AMD1: variants seen among roughly 807,000 people sequenced by gnomAD.
AMD1 encodes adenosylmethionine decarboxylase 1, also known as S-adenosylmethionine decarboxylase proenzyme.
AMD1 carries 11 observed loss-of-function variants against 40.2 expected under a neutral mutation model. The observed-to-expected ratio is 0.27, with a 90% CI of 0.17 to 0.45. The LOEUF (loss-of-function observed/expected upper bound fraction) is 0.45. AMD1 is among the 20% of genes least tolerant of loss of function. The probability of loss-of-function intolerance (pLI) is 1.00; values close to 1 mark genes in which losing one functional copy is unlikely to be tolerated. For synonymous variants in AMD1, 121 were observed against 130.8 expected (o/e 0.93, Z 0.51); for missense variants, 257 against 410.2 (o/e 0.63, Z 3.23).
At chr6:110,859,044 T>C in the AMD1 span, 94 of 1,235,840 alleles carry the variant, frequency 7.6e-5, no homozygotes, top group Admixed American at 1.5e-3. Flanking sequence ...TGACCCCAAG[T>C]TCTGCCCAGA....
At chr6:110,847,369 G>C in the AMD1 span, among the ~76,000 whole-genome samples, 8 of 150,758 alleles carry the variant, frequency 5.3e-5, no homozygotes, top group Non-Finnish European at 1.2e-4. Context: ...ACTAAAAATA[G>C]AAAAAATTAG....
At chr6:110,870,632 A>C (rs969899313), upstream of AMD1, among the ~76,000 whole-genome samples, 2 of 152,146 alleles carry the variant, frequency 1.3e-5, no homozygotes, top group Non-Finnish European at 2.9e-5. Context: ...TCAAAACAAA[A>C]ACAATAACAA....
the AMD1 span, chr6:110,815,214 C>T: frequency 7.0e-7 from 1 of 1,420,930 alleles, no homozygotes. Flanking sequence ...CCCGCGACCG[C>T]CGCTCCACTT....
chr6:110,890,477 C>G (rs1785953030), intron 4 of AMD1, 121 bp downstream of exon 4: 1 of 722,972 alleles, frequency 1.4e-6, no homozygotes, highest in African/African-American at 1.9e-5. Flanking sequence ...CTAATACTTG[C>G]TTTTCTTGTG....
chr6:110,823,128 A>G, the AMD1 span, among the ~76,000 whole-genome samples: 1 of 152,184 alleles, frequency 6.6e-6, no homozygotes, highest in African/African-American at 2.4e-5. Context: ...AAAAAAGCAT[A>G]CAATTATCTC....
the AMD1 span, among the ~76,000 whole-genome samples, chr6:110,845,351 C>T: frequency 1.3e-5 from 2 of 151,878 alleles, no homozygotes; most frequent in Non-Finnish European, 2.9e-5. Context: ...GTGCCACAGA[C>T]GTTTAAACAA....
Position 110,894,226 on chromosome 6 carries a change from CATT to C in AMD1, c.*614_*616del, listed in dbSNP as rs1363296974. 1 of 152,916 alleles carries C rather than the reference CATT, an allele frequency of 6.5e-6. No homozygotes were observed. The highest frequency in any genetic ancestry group is 2.4e-5 in the African/African-American group (1 of 41,444). The allele number at this position is 152,916 out of a possible 1,614,324, so 9.5% of individuals were successfully genotyped here. A position where few individuals can be genotyped will look rare whatever the true frequency, so the allele number is the denominator to read the frequency against. On this transcript the variant is annotated 3_prime_UTR_variant, in exon 9 of 9. Transcript: ENST00000368885. The stretch of plus-strand genomic sequence containing the variant: ...TCATTTTGCATATTTGCTATTTTAA[CATT>C]ATTGGACCCTGCATTTATAGTCCTT...
At chr6:110,869,635 G>A in the AMD1 span, among the ~76,000 whole-genome samples, 6 of 149,874 alleles carry the variant, frequency 4.0e-5, no homozygotes, top group Admixed American at 2.7e-4. Context: ...TCAGCCTCCC[G>A]AGAAGCTGGG....
At chr6:110,823,124 GCATA>G in the AMD1 span, among the ~76,000 whole-genome samples, 5 of 151,890 alleles carry the variant, frequency 3.3e-5, no homozygotes, top group Non-Finnish European at 5.9e-5. Context: ...TCAAAAAAAA[GCATA>G]CAATTATCTC....
chr6:110,814,746 G>C, the AMD1 span: 2 of 636,232 alleles, frequency 3.1e-6, no homozygotes, highest in Admixed American at 4.2e-5. Context: ...CGCCGTCTCC[G>C]AGCACTCGGA....
chr6:110,872,884 C>T (rs1166451086), upstream of AMD1, among the ~76,000 whole-genome samples: 1 of 152,094 alleles, frequency 6.6e-6, no homozygotes, highest in Non-Finnish European at 1.5e-5. Context: ...TATGTTTATA[C>T]CACAATTAGT....
the AMD1 span, among the ~76,000 whole-genome samples, chr6:110,825,713 T>G: frequency 6.6e-6 from 1 of 152,208 alleles, no homozygotes; most frequent in African/African-American, 2.4e-5. Context: ...AGGAGTGATA[T>G]TCAGACTACT....
intron 8 of AMD1, 95 bp downstream of exon 8, chr6:110,893,160 C>T: frequency 8.9e-7 from 1 of 1,122,444 alleles, no homozygotes; most frequent in Non-Finnish European, 1.3e-6. Flanking sequence ...TGAGATAGCA[C>T]ATATACCAGC....
intron 1 of AMD1, among the ~76,000 whole-genome samples, chr6:110,879,049 C>T (rs1448888386): frequency 6.6e-6 from 1 of 152,170 alleles, no homozygotes; most frequent in Admixed American, 6.5e-5. Context: ...CTTCTCGTTA[C>T]ATTCCTCCCA....
chr6:110,845,219 A>G, the AMD1 span, among the ~76,000 whole-genome samples: 1 of 151,884 alleles, frequency 6.6e-6, no homozygotes, highest in Admixed American at 6.6e-5. Flanking sequence ...TTGTATTTTT[A>G]GTAGAGACGG....
At position 110,892,937 on chromosome 6, in the gene AMD1, C is replaced by G; in HGVS notation, c.736C>G (p.Pro246Ala). The G allele has an allele frequency of 6.2e-7, 1 of 1,613,990 alleles. No individual in the cohort carries two copies. The highest frequency in any genetic ancestry group is 8.5e-7 in the Non-Finnish European group (1 of 1,180,002). The part of the protein sequence containing the change: ...DGTYWTIHIT[P>A]EPEFSYVSFE... The stretch of plus-strand genomic sequence containing the variant: ...AACTTATTGGACTATTCACATCACT[C>G]CAGAACCAGAATTTTCTTATGTTAG... Residue 246 changes from proline (P) to alanine (A), a missense_variant, in exon 8 of 9, where the codon CCA becomes GCA. Physicochemically the swap from Pro to Ala is conservative, Grantham distance 27. Coordinates refer to ENST00000368885, the MANE Select transcript of AMD1 (RefSeq NM_001634.6).
At chr6:110,872,377 A>G (rs1784934595), upstream of AMD1, among the ~76,000 whole-genome samples, 1 of 152,186 alleles carries the variant, frequency 6.6e-6, no homozygotes, top group Non-Finnish European at 1.5e-5. Context: ...GGGAAGATGT[A>G]CAATCAGAGG....
chr6:110,852,429 C>G, the AMD1 span, among the ~76,000 whole-genome samples: 1 of 151,654 alleles, frequency 6.6e-6, no homozygotes, highest in African/African-American at 2.4e-5. Flanking sequence ...ACCTTGTTGC[C>G]CAGGCTGTTC....
intron 1 of AMD1, chr6:110,875,444 T>TG (rs1785044708): frequency 2.1e-6 from 1 of 482,682 alleles, no homozygotes; most frequent in African/African-American, 2.1e-5. Context: ...GGCATTGCCC[T>TG]GGGGGAGGGG....
Sources: gnomAD v4.1 joint callset for allele counts (sites outside exome capture counted in the v4.1 genomes callset) on GRCh38, gnomAD v4.1.1 for gene constraint, MANE v1.5 for transcripts, NCBI Gene and HGNC (gene_info 2026-07-23, HGNC 2026-07-21) for gene names.